Variants in SPAG6 observed in about 807,000 individuals in gnomAD.
SPAG6 encodes sperm-associated antigen 6.
In SPAG6, 49 loss-of-function variants were observed where a neutral mutation model predicts 58.5. That is an observed-to-expected ratio of 0.84 (90% CI 0.67 to 1.06). SPAG6 has a LOEUF of 1.06. Among genes scored for constraint, SPAG6 ranks in the 50% least tolerant of loss-of-function variants. SPAG6 has a pLI of 0.00. For synonymous variants in SPAG6, 233 were observed against 225.6 expected (o/e 1.03, Z -0.29); for missense variants, 560 against 611.3 (o/e 0.92, Z 0.89).
At chr10:22,407,675 A>G (rs1007871493) in intron 9 of SPAG6, among the ~76,000 whole-genome samples, 6 of 152,008 alleles carry the variant, frequency 3.9e-5, no homozygotes, top group Non-Finnish European at 4.4e-5. Context: ...CTGAATCTCA[A>G]TGTTGGCCTG....
At position 22,411,157 on chromosome 10, in the gene SPAG6, T is replaced by C; in HGVS notation, c.1441T>C (p.Tyr481His). The C allele has an allele frequency of 6.2e-7, 1 of 1,609,332 alleles. No individual in the cohort carries two copies. Among genetic ancestry groups the C allele is most frequent in the Non-Finnish European group, 8.5e-7 (1 of 1,178,544 alleles). The change falls in exon 10 of 11, where the codon TAC becomes CAC. Residue 481 changes from tyrosine to histidine, a missense_variant. Tyr to His is a moderately conservative substitution (Grantham distance 83). Transcript: ENST00000376624. The stretch of plus-strand genomic sequence containing the variant: ...ATACATCAACAGTATTAACAGTTGT[T>C]ACCCCGAGGAAATAGTGAGGTGGGG... The part of the protein sequence containing the change: ...QEYINSINSC[Y>H]PEEIVRYYSP...
chr10:22,345,649 C>A lies in SPAG6; in HGVS notation c.25+13C>A, dbSNP rs890871392. On this transcript the variant is annotated intron_variant, in intron 1 of 10. Coordinates refer to ENST00000376624, the MANE Select transcript of SPAG6 (RefSeq NM_012443.4). This position sits in a 1 kb window ranked among gnomAD's most constrained non-coding sequence, Gnocchi z 6.3. ...CAGGTGCTGCAAGGTAGGGCCGAGG[C>A]GGGCAGGTGCCCTAACTAGCTGGCG... is the stretch of plus-strand genomic sequence containing the variant. 15 of 1,551,804 alleles carry A rather than the reference C, an allele frequency of 9.7e-6. No individual in the cohort carries two copies. The African/African-American group carries it at 1.4e-4, about 14-fold the overall frequency.
chr10:22,367,571 A>C (rs1837232469), intron 3 of SPAG6, among the ~76,000 whole-genome samples: 1 of 152,296 alleles, frequency 6.6e-6, no homozygotes, highest in East Asian at 1.9e-4. Flanking sequence ...GAAGAAATAG[A>C]AACTTAGAAT....
chr10:22,408,113 CG>C (rs1834608055), intron 9 of SPAG6, among the ~76,000 whole-genome samples: 1 of 142,304 alleles, frequency 7.0e-6, no homozygotes, highest in East Asian at 2.0e-4. Flanking sequence ...GTAATTTGAT[CG>C]CCTGAAGCCT....
At chr10:22,393,764 G>A (rs1255291265) in intron 8 of SPAG6, among the ~76,000 whole-genome samples, 4 of 152,010 alleles carry the variant, frequency 2.6e-5, no homozygotes, top group East Asian at 1.9e-4. Flanking sequence ...CCACGGTCTC[G>A]TGAATTCTCT....
At chr10:22,378,450 GT>G (rs1343823812) in intron 4 of SPAG6, among the ~76,000 whole-genome samples, 5 of 148,960 alleles carry the variant, frequency 3.4e-5, no homozygotes, top group Non-Finnish European at 7.4e-5. Flanking sequence ...AAAATGCAAA[GT>G]TATAGGTAGA....
In SPAG6 at chr10:22,387,991, C is replaced by A; in HGVS notation, c.847C>A (p.Pro283Thr). The change falls in exon 6 of 11, where the codon CCC (proline) becomes ACC (threonine). Residue 283 changes from proline to threonine, a missense_variant. Physicochemically the swap from Pro to Thr is conservative, Grantham distance 38 (BLOSUM62 -1). Transcript: ENST00000376624. ...TLIREIAKHT[P>T]ELSQLVVNAG... The stretch of plus-strand genomic sequence containing the variant: ...AATTAGAGAGATTGCAAAACATACA[C>A]CCGAGGTGAAAAGAAACTTCAAGGC... 1 of 1,598,766 alleles carries A rather than the reference C, an allele frequency of 6.3e-7. No individual in the cohort carries two copies. Among genetic ancestry groups the A allele is most frequent in the Non-Finnish European group, 8.5e-7 (1 of 1,174,922 alleles).
At chr10:22,362,110 TATATAA>T (rs1837060747) in intron 2 of SPAG6, among the ~76,000 whole-genome samples, 1 of 145,990 alleles carries the variant, frequency 6.8e-6, no homozygotes, top group Admixed American at 6.9e-5. Context: ...GATGTAAATA[TATATAA>T]ATATATGTAT....
chr10:22,359,079 A>G (rs949000289), intron 2 of SPAG6, among the ~76,000 whole-genome samples: 4 of 152,206 alleles, frequency 2.6e-5, no homozygotes, highest in African/African-American at 9.6e-5. Flanking sequence ...GCCTCTCAAC[A>G]TGGACAGTCA....
At chr10:22,346,732 G>A (rs1316464639) in intron 2 of SPAG6, among the ~76,000 whole-genome samples, 1 of 151,946 alleles carries the variant, frequency 6.6e-6, no homozygotes, top group Non-Finnish European at 1.5e-5. Context: ...TTCTTTGAGG[G>A]GAATTACTAC....
At chr10:22,400,127 A>C (rs7078252) in intron 8 of SPAG6, among the ~76,000 whole-genome samples, 20,794 of 152,122 alleles carry the variant, frequency 0.14, 4,111 homozygotes, top group African/African-American at 0.44. Context: ...AAAGTTCATG[A>C]TGTGAAAATC....
rs779002204 is a variant in SPAG6, at chr10:22,386,748, C to A, written c.473-6C>A. 1 of 1,612,266 alleles carries A rather than the reference C, an allele frequency of 6.2e-7. No individual in the cohort carries two copies. Among genetic ancestry groups the A allele is most frequent in the Non-Finnish European group, 8.5e-7 (1 of 1,178,492 alleles). On this transcript the variant is annotated splice_polypyrimidine_tract_variant and splice_region_variant and intron_variant, in intron 4 of 10. Coordinates refer to ENST00000376624, the MANE Select transcript of SPAG6 (RefSeq NM_012443.4). ...ACTCACTTAATTACTTTTCTTGGAC[C>A]CACAGAACTGTCACAAGCTGTGGTG... is the stretch of plus-strand genomic sequence containing the variant.
chr10:22,381,206 A>T (rs1422518484), intron 4 of SPAG6, among the ~76,000 whole-genome samples: 2 of 152,040 alleles, frequency 1.3e-5, no homozygotes, highest in African/African-American at 4.8e-5. Flanking sequence ...AAAGCCCCCC[A>T]CAGGCTGTTT....
chr10:22,391,532 C>T (rs377519520), intron 7 of SPAG6, among the ~76,000 whole-genome samples, 197 bp from the exon 8 acceptor site: 3 of 151,958 alleles, frequency 2.0e-5, no homozygotes, highest in Admixed American at 6.6e-5. Flanking sequence ...GAATCGTTAC[C>T]GATAATTAAG....
chr10:22,347,973 T>G (rs1836614196), intron 2 of SPAG6, among the ~76,000 whole-genome samples: 1 of 152,218 alleles, frequency 6.6e-6, no homozygotes, highest in African/African-American at 2.4e-5. Flanking sequence ...AAAAAGAACC[T>G]GTAAACTTTG....
intron 2 of SPAG6, among the ~76,000 whole-genome samples, chr10:22,355,027 A>G (rs983008794): frequency 1.3e-5 from 2 of 152,004 alleles, no homozygotes; most frequent in Non-Finnish European, 2.9e-5. Flanking sequence ...CAGTTGCACT[A>G]GAAAAATGAA....
chr10:22,355,194 T>C (rs1443467122), intron 2 of SPAG6, among the ~76,000 whole-genome samples: 3 of 151,928 alleles, frequency 2.0e-5, no homozygotes, highest in Non-Finnish European at 4.4e-5. Flanking sequence ...TAATAGACAG[T>C]AGGGAGGAGA....
chr10:22,412,504 G>T, intron 10 of SPAG6: 2 of 1,517,696 alleles, frequency 1.3e-6, no homozygotes, highest in South Asian at 2.4e-5. Context: ...AGAACTCCTT[G>T]ACCAAAAGAG....
rs764454893 is a variant in SPAG6 at position 22,387,971 on chromosome 10, G to C, written c.827G>C (p.Arg276Thr). 6.2e-7 allele frequency: 1 copy of C among 1,611,406 alleles called. No homozygotes were observed. The highest frequency in any genetic ancestry group is 8.5e-7 in the Non-Finnish European group (1 of 1,178,932). ...AAGAAAAATGCTTCTACTTTAATTAGAGAGATTGCAAAACATACACCCGAG... is the reference window on the plus strand; with the variant it reads ...AAGAAAAATGCTTCTACTTTAATTACAGAGATTGCAAAACATACACCCGAG... Reference protein sequence around the residue: ...YVKKNASTLIREIAKHTPELS... With the variant: ...YVKKNASTLITEIAKHTPELS... The change falls in exon 6 of 11, where the codon AGA (arginine) becomes ACA (threonine). Residue 276 changes from arginine (R) to threonine (T), a missense_variant. Transcript: ENST00000376624.
Sources: allele counts gnomAD v4.1 joint callset (sites outside exome capture counted in the v4.1 genomes callset), GRCh38; gene constraint gnomAD v4.1.1; non-coding constraint Gnocchi (gnomAD v3.1); transcripts MANE v1.5; gene names NCBI Gene and HGNC (gene_info 2026-07-23, HGNC 2026-07-21).